Variants in KIF17 observed in about 807,000 individuals in gnomAD.
KIF17 encodes the protein kinesin-like protein KIF17.
KIF17 carries 80 observed loss-of-function variants against 96.8 expected under a neutral mutation model. The ratio of observed to expected loss-of-function variants is 0.83; its 90% CI spans 0.69 to 1.00. The LOEUF (loss-of-function observed/expected upper bound fraction) is 1.00, where lower values mean the gene tolerates loss of function less well. Ranked by LOEUF, KIF17 falls within the 50% of genes least tolerant of loss-of-function variation. The pLI is 0.00. For missense variants in KIF17, 1,280 were observed against 1,372.9 expected, an observed-to-expected ratio of 0.93 and a Z score of 1.07; for synonymous variants, 567 against 587.5, an observed-to-expected ratio of 0.97 and a Z score of 0.51.
chr1:20,710,333 C>A (rs1570480504), intron 3 of KIF17, among the ~76,000 whole-genome samples: 1 of 152,170 alleles, frequency 6.6e-6, no homozygotes, highest in Non-Finnish European at 1.5e-5. Flanking sequence ...CTCCAGATCC[C>A]CTCTGCCGTG....
chr1:20,708,821 A>G (rs2054387650), intron 4 of KIF17, among the ~76,000 whole-genome samples: 1 of 152,146 alleles, frequency 6.6e-6, no homozygotes, highest in Non-Finnish European at 1.5e-5. Context: ...CCCCAAATAA[A>G]CATGGATTTC....
rs201716162 is a variant in KIF17 at position 20,704,462 on chromosome 1, G to C, written c.1108C>G (p.Pro370Ala). Residue 370 changes from proline to alanine, a missense_variant, in exon 5 of 15, where the codon CCC (proline) becomes GCC (alanine). Physicochemically the swap from Pro to Ala is conservative, Grantham distance 27. Transcript: ENST00000400463. The surrounding 1 kb of genome is among the most constrained non-coding windows in gnomAD (Gnocchi z 6.8). ...LKAILTQQMS[P>A]SSLSALLSRQ... Reference sequence around the variant, plus strand: ...GTGGTCCCACCTGACAGGCTGCTGGGGCTCATCTGCTGTGTCAGGATGGCC... The same window carrying C: ...GTGGTCCCACCTGACAGGCTGCTGGCGCTCATCTGCTGTGTCAGGATGGCC... 2 of 1,614,008 alleles carry C rather than the reference G, an allele frequency of 1.2e-6. No individual in the cohort carries two copies. The highest frequency in any genetic ancestry group is 3.3e-5 in the Admixed American group (2 of 60,000).
In KIF17 at chr1:20,712,604, CTATATATATA is replaced by C. The variant is rs373991865; in HGVS notation, c.480+840_480+849del. 2.0e-4 allele frequency among the ~76,000 whole-genome samples: 4 copies of C among 20,006 alleles called. 1 individual carries two copies. The highest frequency in any genetic ancestry group is 6.4e-4 in the African/African-American group (4 of 6,244). The allele number at this position is 20,006 out of a possible 152,430, so 13.1% of individuals were successfully genotyped here. On this transcript the variant is annotated intron_variant, in intron 3 of 14. Transcript: ENST00000400463. ...TATCTATATATATATCTATATATAT[CTATATATATA>C]TAATATAGATAATATCTATATATAT...
chr1:20,671,978 C>A lies in KIF17; in HGVS notation c.2682G>T (p.Lys894Asn). Residue 894 changes from lysine (K) to asparagine (N), a missense_variant, in exon 12 of 15, where the codon AAG becomes AAT. Transcript: ENST00000400463. ...SCWDEDNGFW[K>N]IPHPVITKTS... ...TTTTTGTGATGACGGGATGTGGGAT[C>A]TTCCAGAAGCCGTTATCTTCGTCCC... is the stretch of plus-strand genomic sequence containing the variant. 6.2e-7 allele frequency: 1 copy of A among 1,614,036 alleles called. No individual in the cohort carries two copies. The highest frequency in any genetic ancestry group is 8.5e-7 in the Non-Finnish European group (1 of 1,180,038).
At chr1:20,712,571 GATA>G (rs1375670394) in intron 3 of KIF17, among the ~76,000 whole-genome samples, 1 of 64,294 alleles carries the variant, frequency 1.6e-5, no homozygotes, top group African/African-American at 5.0e-5. Context: ...TATATATATA[GATA>G]ATATTATCTA....
chr1:20,717,292 C>A, intron 1 of KIF17, 184 bp downstream of exon 1: 2 of 637,128 alleles, frequency 3.1e-6, no homozygotes, highest in South Asian at 1.9e-5. Context: ...GACCCGGAGG[C>A]GACATTAGAG....
chr1:20,692,341 C>CCTT (rs1553151098), intron 6 of KIF17, among the ~76,000 whole-genome samples: 3 of 147,774 alleles, frequency 2.0e-5, no homozygotes, highest in African/African-American at 7.5e-5. Flanking sequence ...TCCTCTATTG[C>CCTT]TTTTTTTTTT....
downstream of KIF17, among the ~76,000 whole-genome samples, chr1:20,663,790 A>C (rs537510423): frequency 6.6e-6 from 1 of 151,538 alleles, no homozygotes; most frequent in South Asian, 2.1e-4. Context: ...TATTTTCCAC[A>C]ACAAGGGGTC....
At chr1:20,702,304 C>T (rs1027962025) in intron 5 of KIF17, among the ~76,000 whole-genome samples, 1 of 152,104 alleles carries the variant, frequency 6.6e-6, no homozygotes, top group Non-Finnish European at 1.5e-5. Context: ...GGCTGGGCTC[C>T]TTGCTCCTAA....
At position 20,685,013 on chromosome 1, in the gene KIF17, T is replaced by A; in HGVS notation, c.2027A>T (p.Asp676Val). 6.3e-7 allele frequency: 1 copy of A among 1,593,336 alleles called. No individual in the cohort carries two copies. The highest frequency in any genetic ancestry group is 8.5e-7 in the Non-Finnish European group (1 of 1,169,830). ...CTCTAAGGCCACTTCCGAGGCCAGA[T>A]CTACCTCCTGAGTGTGAAGAGAAAC... ...ADDFPPRPEV[D>V]LASEVALEVV... Residue 676 changes from aspartate to valine, a missense_variant, in exon 10 of 15, where the codon GAT (aspartate) becomes GTT (valine). Coordinates refer to ENST00000400463, the MANE Select transcript of KIF17 (RefSeq NM_001122819.3). The surrounding 1 kb of genome is among the most constrained non-coding windows in gnomAD (Gnocchi z 4.1).
At chr1:20,689,496 C>CA (rs1226547399) in intron 7 of KIF17, among the ~76,000 whole-genome samples, 1 of 152,024 alleles carries the variant, frequency 6.6e-6, no homozygotes, top group African/African-American at 2.4e-5. Flanking sequence ...ACTGAAAACA[C>CA]AAAAATTAGC....
In KIF17 at chr1:20,689,999, C is replaced by T. The variant is rs138892244; in HGVS notation, c.1381+189G>A. Among the ~76,000 whole-genome samples the T allele has an allele frequency of 5.2e-3, 796 of 152,332 alleles. 3 individuals carry two copies. The highest frequency in any genetic ancestry group is 9.4e-3 in the Non-Finnish European group (640 of 68,044). On this transcript the variant is annotated intron_variant, in intron 7 of 14. Coordinates refer to ENST00000400463, the MANE Select transcript of KIF17 (RefSeq NM_001122819.3). ...TGTGACCATGGGCAAGTTACCTACC[C>T]TCTCTGTGCCTCAGTTTCCTCATCT...
Position 20,686,120 on chromosome 1 carries a change from C to A in KIF17, c.1945G>T (p.Ala649Ser), listed in dbSNP as rs187149276. 4 of 1,566,784 alleles carry A rather than the reference C, an allele frequency of 2.6e-6. 1 individual carries two copies. In the East Asian group the frequency reaches 9.4e-5, roughly 37 times the overall value. Residue 649 changes from alanine (A) to serine (S), a missense_variant, in exon 9 of 15, where the codon GCG becomes TCG. Coordinates refer to ENST00000400463, the MANE Select transcript of KIF17 (RefSeq NM_001122819.3). ...CTGGGCTCCAGCAGGTCTGTCGGCG[C>A]AGGGACCTGGGAGGAAAGAGGGGAT... ...DVPKVPVQVP[A>S]PTDLLEPSDA...
rs527764404 is a variant in KIF17 at position 20,690,313 on chromosome 1, C to A, written c.1256G>T (p.Arg419Leu). The change falls in exon 7 of 15, where the codon CGG (arginine) becomes CTG (leucine). Residue 419 changes from arginine to leucine, a missense_variant. Transcript: ENST00000400463. ...IREEYEERLARLKADYKAEQE... is the reference protein window; with the variant it reads ...IREEYEERLALLKADYKAEQE... ...CTCGGCCTTATAGTCGGCTTTCAGC[C>A]GGGCCAGGCGCTCTTCATACTCCTG... 1.2e-6 allele frequency: 1 copy of A among 835,384 alleles called. No homozygotes were observed. Among genetic ancestry groups the A allele is most frequent in the East Asian group, 5.5e-5 (1 of 18,174 alleles). 51.7% of individuals were successfully genotyped at this position (835,384 alleles called of 1,614,324 possible).
At position 20,712,763 on chromosome 1, in the gene KIF17, T is replaced by C. The variant is rs1160221140; in HGVS notation, c.480+691A>G. On this transcript the variant is annotated intron_variant, in intron 3 of 14. Transcript: ENST00000400463. ...ATTATATATATAAAATTATATTATATCTATATATAATATAGATAATATCTA... is the reference window on the plus strand; with the variant it reads ...ATTATATATATAAAATTATATTATACCTATATATAATATAGATAATATCTA... Among the ~76,000 whole-genome samples the C allele has an allele frequency of 7.6e-5, 6 of 78,812 alleles. 1 individual carries two copies. Among genetic ancestry groups the C allele is most frequent in the Non-Finnish European group, 1.1e-4 (5 of 43,940 alleles). The allele number at this position is 78,812 out of a possible 152,430, so 51.7% of individuals were successfully genotyped here. A position where few individuals can be genotyped will look rare whatever the true frequency, so the allele number is the denominator to read the frequency against.
Position 20,717,518 on chromosome 1 carries a change from G to T in KIF17, c.189C>A (p.Val63=), listed in dbSNP as rs866870828. 7 of 1,611,760 alleles carry T rather than the reference G, an allele frequency of 4.3e-6. No individual in the cohort carries two copies. The African/African-American group carries it at 9.4e-5, about 22-fold the overall frequency. Reference sequence around the variant, plus strand: ...CGATCTCGTTGTAGATCTGCTCGGTGACGTGGTCCACGTGGTAGGCGCCGT... The same window carrying T: ...CGATCTCGTTGTAGATCTGCTCGGTTACGTGGTCCACGTGGTAGGCGCCGT... ...TFDGAYHVDH[V]TEQIYNEIAY... The change falls in exon 1 of 15, where the codon GTC becomes GTA. Residue 63 remains valine, a synonymous_variant. Coordinates refer to ENST00000400463, the MANE Select transcript of KIF17 (RefSeq NM_001122819.3).
intron 8 of KIF17, 98 bp from the exon 9 acceptor site, chr1:20,686,224 C>T: frequency 2.1e-6 from 2 of 963,650 alleles, no homozygotes; most frequent in East Asian, 2.6e-5. Context: ...TCCCCAAGGC[C>T]TCCCACCACC....
chr1:20,671,213 C>T (rs948006038), intron 12 of KIF17, among the ~76,000 whole-genome samples: 12 of 152,150 alleles, frequency 7.9e-5, no homozygotes, highest in South Asian at 2.1e-4. Context: ...TCAGGGCTGT[C>T]GTAAGGATGA....
chr1:20,662,201 G>A (rs1356020648), downstream of KIF17, among the ~76,000 whole-genome samples: 1 of 152,182 alleles, frequency 6.6e-6, no homozygotes, highest in African/African-American at 2.4e-5. Context: ...AGCACTTAGC[G>A]CCGGGCTAGA....
Sources: gnomAD v4.1 joint callset for allele counts (sites outside exome capture counted in the v4.1 genomes callset) on GRCh38, gnomAD v4.1.1 for gene constraint, Gnocchi (gnomAD v3.1) non-coding constraint, MANE v1.5 for transcripts, NCBI Gene and HGNC (gene_info 2026-07-23, HGNC 2026-07-21) for gene names.